The following CC2D2B variants were observed in gnomAD, a reference collection of about 807,000 sequenced individuals.
CC2D2B encodes the protein protein CC2D2B.
Under a neutral mutation model 161.2 loss-of-function variants are expected in CC2D2B, and 128 were observed. The observed-to-expected ratio is 0.79, with a 90% CI of 0.69 to 0.92. CC2D2B has a LOEUF of 0.92. CC2D2B is among the 40% of genes least tolerant of loss of function. CC2D2B has a pLI of 0.00. For synonymous variants in CC2D2B, 391 were observed against 449.8 expected (o/e 0.87, Z 1.65); for missense variants, 1,173 against 1,375.1 (o/e 0.85, Z 2.32).
intron 33 of CC2D2B, 130 bp downstream of exon 33, chr10:96,025,041 G>T (rs1393295456): frequency 1.1e-5 from 5 of 447,084 alleles, no homozygotes; most frequent in Non-Finnish European, 2.0e-5. Flanking sequence ...TGGCCCAGTG[G>T]CTCACACCTA....
intron 6 of CC2D2B, among the ~76,000 whole-genome samples, chr10:95,932,456 T>C (rs2075640630): frequency 6.6e-6 from 1 of 152,240 alleles, no homozygotes; most frequent in African/African-American, 2.4e-5. Flanking sequence ...TATTAGTTGA[T>C]GCAATTTCTT....
chr10:95,926,848 C>CTGTGTGTG (rs1209292988), intron 5 of CC2D2B, among the ~76,000 whole-genome samples: 25,708 of 104,804 alleles, frequency 0.25, 2,444 homozygotes, highest in Admixed American at 0.33. Flanking sequence ...GTGTGTGTGT[C>CTGTGTGTG]TGTGTGTGTG....
intron 20 of CC2D2B, among the ~76,000 whole-genome samples, chr10:95,989,509 T>A (rs1302186618): frequency 2.6e-5 from 4 of 152,202 alleles, no homozygotes; most frequent in Non-Finnish European, 5.9e-5. Flanking sequence ...AGTTGGGATG[T>A]GCTTTAATAG....
intron 9 of CC2D2B, among the ~76,000 whole-genome samples, chr10:95,941,034 AC>A (rs1427587296): frequency 4.6e-5 from 7 of 152,288 alleles, no homozygotes; most frequent in Non-Finnish European, 4.4e-5. Context: ...CCAGAAATAA[AC>A]TTATGTATAT....
At chr10:95,924,269 A>G in intron 3 of CC2D2B, 45 bp from the exon 4 acceptor site, 1 of 1,011,216 alleles carries the variant, frequency 9.9e-7, no homozygotes, top group Non-Finnish European at 1.4e-6. Flanking sequence ...TTGTTTAATT[A>G]TAATAAAGTG....
chr10:96,029,262 A>C (rs867803317), intron 34 of CC2D2B, among the ~76,000 whole-genome samples: 1 of 61,610 alleles, frequency 1.6e-5, no homozygotes, highest in Non-Finnish European at 2.8e-5. Flanking sequence ...ATATATATAT[A>C]TATATATATA....
chr10:95,935,423 C>T (rs2075784814), intron 6 of CC2D2B, among the ~76,000 whole-genome samples: 1 of 152,108 alleles, frequency 6.6e-6, no homozygotes. Flanking sequence ...CACTATTGTC[C>T]CTGTAGTCCA....
intron 24 of CC2D2B, among the ~76,000 whole-genome samples, chr10:96,003,585 A>AT (rs1362577450): frequency 2.2e-5 from 1 of 46,510 alleles, no homozygotes; most frequent in South Asian, 6.7e-4. Context: ...GGCCCGGCTA[A>AT]TTGTGTGTGT....
chr10:95,913,284 T>C (rs553793862), intron 2 of CC2D2B: 26 of 181,562 alleles, frequency 1.4e-4, no homozygotes, highest in Admixed American at 1.2e-3. Flanking sequence ...TTGCAAGTGA[T>C]AGGATCTCAT....
rs58739011 is a variant in CC2D2B, at chr10:96,015,231, A to ATTTTTTTTTTTTT, written c.3517-962_3517-950dup. Among the ~76,000 whole-genome samples, 1,013 of 110,998 alleles carry ATTTTTTTTTTTTT rather than the reference A, an allele frequency of 9.1e-3. 1 individual carries two copies. The highest frequency in any genetic ancestry group is 0.013 in the Non-Finnish European group (730 of 57,696). 72.8% of individuals were successfully genotyped at this position (110,998 alleles called of 152,430 possible). On this transcript the variant is annotated intron_variant, in intron 29 of 34. Coordinates refer to ENST00000646931, the MANE Select transcript of CC2D2B (RefSeq NM_001349008.3). ...AGGCACGCACCACCAGGCCCAGCTAATTTTTTTTTTTTTTTTTTTTGTATT... is the reference window on the plus strand; with the variant it reads ...AGGCACGCACCACCAGGCCCAGCTAATTTTTTTTTTTTTTTTTTTTTTTTTTTTTTTTTGTATT...
At chr10:95,981,141 C>T (rs984054477) in intron 17 of CC2D2B, among the ~76,000 whole-genome samples, 2 of 152,132 alleles carry the variant, frequency 1.3e-5, no homozygotes, top group Non-Finnish European at 2.9e-5. Flanking sequence ...TGCCTGTAAT[C>T]CCAGCACTTT....
Position 96,012,600 on chromosome 10 carries a change from C to A in CC2D2B, c.3297C>A (p.Pro1099=). 6.2e-7 allele frequency: 1 copy of A among 1,612,990 alleles called. No homozygotes were observed. The highest frequency in any genetic ancestry group is 8.5e-7 in the Non-Finnish European group (1 of 1,179,078). The change falls in exon 28 of 35, where the codon CCC becomes CCA. Residue 1099 remains proline, a synonymous_variant. Transcript: ENST00000646931. ...AAAAGAATTGTAAGGCAATGTTTCC[C>A]AACCGAAGAATCGTAACTACTGTTT... The part of the protein sequence containing the change: ...IFKKNCKAMF[P]NRRIVTTVFN...
chr10:95,935,662 A>G lies in CC2D2B; in HGVS notation c.337-2329A>G, dbSNP rs546476117. On this transcript the variant is annotated intron_variant, in intron 6 of 34. Coordinates refer to ENST00000646931, the MANE Select transcript of CC2D2B (RefSeq NM_001349008.3). ...GGCTTCCTTCCTGTTTCTCATTTAC[A>G]GCAAGCTCCTGCCTCAGGGCCTTTG... is the stretch of plus-strand genomic sequence containing the variant. Among the ~76,000 whole-genome samples the G allele has an allele frequency of 2.0e-5, 3 of 152,200 alleles. No individual in the cohort carries two copies. The East Asian group carries it at 5.8e-4, about 29-fold the overall frequency.
At chr10:95,919,583 T>G (rs887053158) in intron 2 of CC2D2B, 4 of 152,128 alleles carry the variant, frequency 2.6e-5, no homozygotes, top group Non-Finnish European at 5.9e-5. Flanking sequence ...CTGTGCTGGG[T>G]CATACCTGAA....
At chr10:95,926,815 A>AGTGTGTGTGTGTGT (rs71486778) in intron 5 of CC2D2B, among the ~76,000 whole-genome samples, 7,072 of 134,714 alleles carry the variant, frequency 0.052, 232 homozygotes, top group South Asian at 0.085. Context: ...CTGAGGTGGC[A>AGTGTGTGTGTGTGT]GTGTGTGTGT....
intron 17 of CC2D2B, among the ~76,000 whole-genome samples, chr10:95,975,647 C>T (rs925811653): frequency 6.6e-6 from 1 of 152,118 alleles, no homozygotes; most frequent in African/African-American, 2.4e-5. Flanking sequence ...AACCAGAACC[C>T]AAGTGAATAA....
chr10:96,030,444 T>C (rs2080017519), intron 34 of CC2D2B, among the ~76,000 whole-genome samples: 1 of 151,978 alleles, frequency 6.6e-6, no homozygotes, highest in African/African-American at 2.4e-5. Context: ...CCCCTTACCA[T>C]GCAATAGACT....
chr10:96,032,200 T>C lies in CC2D2B; in HGVS notation c.*192T>C. The C allele has an allele frequency of 1.8e-6, 1 of 543,554 alleles. No homozygotes were observed. Among genetic ancestry groups the C allele is most frequent in the Non-Finnish European group, 3.3e-6 (1 of 305,508 alleles). 33.7% of individuals were successfully genotyped at this position (543,554 alleles called of 1,614,324 possible). On this transcript the variant is annotated 3_prime_UTR_variant, in exon 35 of 35. Coordinates refer to ENST00000646931, the MANE Select transcript of CC2D2B (RefSeq NM_001349008.3). ...GTGAGTCTTTGAGGAGGAGTCTAGA[T>C]GAGCTTCTCACCAGAGACCTCTCCA...
chr10:96,027,106 A>G, intron 33 of CC2D2B, 106 bp from the exon 34 acceptor site: 1 of 793,570 alleles, frequency 1.3e-6, no homozygotes, highest in South Asian at 2.4e-5. Context: ...CTGGGGGACA[A>G]GAGCGAGACT....
Sources: allele counts gnomAD v4.1 joint callset (sites outside exome capture counted in the v4.1 genomes callset), GRCh38; gene constraint gnomAD v4.1.1; transcripts MANE v1.5; gene names NCBI Gene and HGNC (gene_info 2026-07-23, HGNC 2026-07-21).